The following MARCO variants were observed in gnomAD, a reference collection of about 807,000 sequenced individuals.
MARCO encodes the protein macrophage receptor with collagenous structure.
Under a neutral mutation model 70.0 loss-of-function variants are expected in MARCO, and 72 were observed. The observed-to-expected ratio is 1.03, with a 90% CI of 0.85 to 1.25. The LOEUF is 1.25. Ranked by LOEUF, MARCO falls within the 50% of genes most tolerant of loss-of-function variation. MARCO has a pLI of 0.00. For missense variants in MARCO, 696 were observed against 659.3 expected (o/e 1.06, Z -0.61); for synonymous variants, 273 against 243.1 (o/e 1.12, Z -1.14).
chr2:118,955,251 TA>T (rs143017553), intron 1 of MARCO, among the ~76,000 whole-genome samples: 1 of 151,668 alleles, frequency 6.6e-6, no homozygotes, highest in Non-Finnish European at 1.5e-5. Flanking sequence ...ATAGTTTAAA[TA>T]AAAAAACAAT....
intron 15 of MARCO, among the ~76,000 whole-genome samples, chr2:118,992,686 C>T (rs1680645314): frequency 6.6e-6 from 1 of 151,632 alleles, no homozygotes; most frequent in South Asian, 2.1e-4. Context: ...CCTTCTCTCC[C>T]TTCCTTCCCC....
chr2:118,960,337 C>G (rs886957100), intron 1 of MARCO, among the ~76,000 whole-genome samples: 1 of 151,986 alleles, frequency 6.6e-6, no homozygotes, highest in African/African-American at 2.4e-5. Flanking sequence ...TGCCTTGTTT[C>G]GAATCTTAAG....
chr2:118,942,583 G>A (rs941446144), intron 1 of MARCO, among the ~76,000 whole-genome samples, 186 bp downstream of exon 1: 1 of 152,152 alleles, frequency 6.6e-6, no homozygotes, highest in Non-Finnish European at 1.5e-5. Flanking sequence ...AATAGATGCT[G>A]TATTTTTAGC....
At chr2:118,952,380 G>A (rs1216340165) in intron 1 of MARCO, among the ~76,000 whole-genome samples, 1 of 152,136 alleles carries the variant, frequency 6.6e-6, no homozygotes, top group Non-Finnish European at 1.5e-5. Context: ...GCCCCTTTTA[G>A]TGTTGGCGTG....
chr2:118,967,687 C>G (rs1298713075), intron 1 of MARCO, among the ~76,000 whole-genome samples: 1 of 152,264 alleles, frequency 6.6e-6, no homozygotes, highest in East Asian at 1.9e-4. Flanking sequence ...GGGCATTTCT[C>G]AAGCAGGGGT....
In MARCO at chr2:118,973,381, T is replaced by C. The variant is rs189767236; in HGVS notation, c.461-952T>C. Among the ~76,000 whole-genome samples the C allele has an allele frequency of 1.5e-4, 22 of 150,688 alleles. No homozygotes were observed. In the East Asian group the frequency reaches 4.3e-3, roughly 30 times the overall value. ...TTCTCAGTCTCTCTCTGTCTCTGAC[T>C]TCTGTCTCTCTCTCTCTCTCTCTGT... On this transcript the variant is annotated intron_variant, in intron 4 of 16. Transcript: ENST00000327097.
At chr2:118,985,058 C>T (rs1304313785) in intron 12 of MARCO, among the ~76,000 whole-genome samples, 1 of 152,042 alleles carries the variant, frequency 6.6e-6, no homozygotes, top group African/African-American at 2.4e-5. Flanking sequence ...TTATCAGTGC[C>T]TCTGGGCCAG....
At chr2:118,991,236 T>A (rs777339796) in intron 13 of MARCO, among the ~76,000 whole-genome samples, 1 of 149,170 alleles carries the variant, frequency 6.7e-6, no homozygotes, top group Admixed American at 6.8e-5. Flanking sequence ...AAGCTAGATA[T>A]TCTATTATGT....
At chr2:118,981,382 A>G in intron 8 of MARCO, 27 bp from the exon 9 acceptor site, 1 of 1,518,324 alleles carries the variant, frequency 6.6e-7, no homozygotes, top group Non-Finnish European at 9.0e-7. Flanking sequence ...TCCTCCCACA[A>G]CTAACCAAGA....
intron 12 of MARCO, among the ~76,000 whole-genome samples, chr2:118,986,684 A>AAGGAAG (rs1558671831): frequency 1.0e-3 from 64 of 62,886 alleles, no homozygotes; most frequent in Admixed American, 2.6e-3. Context: ...AAAGAAAGAA[A>AAGGAAG]GAAAGAAAGA....
chr2:118,947,721 G>A (rs925154271), intron 1 of MARCO, among the ~76,000 whole-genome samples: 8 of 152,124 alleles, frequency 5.3e-5, no homozygotes, highest in African/African-American at 1.9e-4. Context: ...CAATACCACA[G>A]TGCTTTGATT....
intron 1 of MARCO, among the ~76,000 whole-genome samples, chr2:118,946,779 C>G (rs1573371661): frequency 6.6e-6 from 1 of 152,328 alleles, no homozygotes; most frequent in East Asian, 1.9e-4. Context: ...ACATTCCCAG[C>G]AGCAATGTAC....
Position 118,990,569 on chromosome 2 carries a change from C to CGGGGGGGGGGGGG in MARCO, c.1064-20_1064-19insGGGGGGGGGGGGG. The CGGGGGGGGGGGGG allele has an allele frequency of 4.2e-6, 6 of 1,415,964 alleles. No homozygotes were observed. The highest frequency in any genetic ancestry group is 5.8e-6 in the Non-Finnish European group (6 of 1,028,320). 87.7% of individuals were successfully genotyped at this position (1,415,964 alleles called of 1,614,324 possible). Reference sequence around the variant, plus strand: ...AGTTTTATTATCTCCTCCCCCCCCCCTTTTTTGTTTTGATCTTAGGACTTC... The same window carrying CGGGGGGGGGGGGG: ...AGTTTTATTATCTCCTCCCCCCCCCCGGGGGGGGGGGGGTTTTTTGTTTTGATCTTAGGACTTC... On this transcript the variant is annotated intron_variant, in intron 12 of 16. Coordinates refer to ENST00000327097, the MANE Select transcript of MARCO (RefSeq NM_006770.4).
chr2:118,982,479 C>T (rs1243922021), intron 12 of MARCO, 69 bp downstream of exon 12: 17 of 1,459,620 alleles, frequency 1.2e-5, no homozygotes, highest in South Asian at 1.0e-4. Context: ...AGAAAAACTG[C>T]TTCTTCTTAG....
intron 15 of MARCO, chr2:118,992,899 G>A (rs896093836): frequency 2.3e-5 from 12 of 511,292 alleles, no homozygotes; most frequent in Non-Finnish European, 3.8e-5. Flanking sequence ...AGCCACAGGG[G>A]CACCTGCCCC....
intron 1 of MARCO, among the ~76,000 whole-genome samples, chr2:118,958,635 TCA>T (rs1324250569): frequency 6.6e-6 from 1 of 152,204 alleles, no homozygotes; most frequent in East Asian, 1.9e-4. Flanking sequence ...CCATCATTCT[TCA>T]CAGAGTTAGA....
Position 118,982,333 on chromosome 2 carries a change from G to T in MARCO, c.1001-15G>T, listed in dbSNP as rs932591696. ...TAGTCCAGCCCTTATGCTCTCTGTG[G>T]TGTCTGTTGTCCAGGACTTCCAGGG... On this transcript the variant is annotated splice_polypyrimidine_tract_variant and intron_variant, in intron 11 of 16. Coordinates refer to ENST00000327097, the MANE Select transcript of MARCO (RefSeq NM_006770.4). The T allele has an allele frequency of 4.3e-6, 7 of 1,613,714 alleles. No individual in the cohort carries two copies. The highest frequency in any genetic ancestry group is 5.9e-6 in the Non-Finnish European group (7 of 1,179,818).
At chr2:118,977,051 T>G (rs545329593) in intron 6 of MARCO, among the ~76,000 whole-genome samples, 1 of 152,216 alleles carries the variant, frequency 6.6e-6, no homozygotes, top group Non-Finnish European at 1.5e-5. Flanking sequence ...ACTAGCTCTC[T>G]TGGTAACTAA....
chr2:118,967,036 C>T (rs1037507158), intron 1 of MARCO, among the ~76,000 whole-genome samples: 4 of 152,244 alleles, frequency 2.6e-5, no homozygotes, highest in Non-Finnish European at 4.4e-5. Flanking sequence ...ATCTTCCCAG[C>T]ATGTTGTGTG....
Sources: gnomAD v4.1 joint callset for allele counts (sites outside exome capture counted in the v4.1 genomes callset) on GRCh38, gnomAD v4.1.1 for gene constraint, MANE v1.5 for transcripts, NCBI Gene and HGNC (gene_info 2026-07-23, HGNC 2026-07-21) for gene names.